Variants in TSNARE1 observed in about 807,000 individuals in gnomAD.
TSNARE1 encodes t-SNARE domain containing 1.
TSNARE1 carries 49 observed loss-of-function variants against 62.0 expected under a neutral mutation model. The observed-to-expected ratio is 0.79, with a 90% CI of 0.63 to 1.00. The LOEUF is 1.00. Among genes scored for constraint, TSNARE1 ranks in the 50% least tolerant of loss-of-function variants. The probability of loss-of-function intolerance (pLI) is 0.00; values close to 1 mark genes in which losing one functional copy is unlikely to be tolerated. For synonymous variants in TSNARE1, 328 were observed against 294.4 expected, an observed-to-expected ratio of 1.11 and a Z score of -1.17; for missense variants, 755 against 700.1, an observed-to-expected ratio of 1.08 and a Z score of -0.88.
intron 9 of TSNARE1, among the ~76,000 whole-genome samples, chr8:142,313,105 T>C (rs539642039): frequency 7.9e-5 from 12 of 152,340 alleles, no homozygotes; most frequent in Non-Finnish European, 1.8e-4. Flanking sequence ...CATGTCTGCG[T>C]GACTGTTTAT....
At chr8:142,278,219 G>A (rs1226452675) in intron 11 of TSNARE1, 2 of 985,450 alleles carry the variant, frequency 2.0e-6, no homozygotes, top group African/African-American at 3.5e-5. Context: ...AGGGTTGGCT[G>A]GGTCTACATG....
intron 11 of TSNARE1, among the ~76,000 whole-genome samples, chr8:142,281,283 G>A (rs1310404008): frequency 6.6e-6 from 1 of 152,152 alleles, no homozygotes; most frequent in African/African-American, 2.4e-5. Flanking sequence ...CCCAGCCAGA[G>A]CCAGGAGCCT....
At chr8:142,399,502 G>C (rs535073851) in intron 1 of TSNARE1, among the ~76,000 whole-genome samples, 1 of 152,312 alleles carries the variant, frequency 6.6e-6, no homozygotes, top group Admixed American at 6.5e-5. Flanking sequence ...GCCTCAATGC[G>C]CCCAAGAGGG....
intron 10 of TSNARE1, among the ~76,000 whole-genome samples, chr8:142,299,281 G>A (rs1338887617): frequency 6.6e-6 from 1 of 152,256 alleles, no homozygotes; most frequent in Non-Finnish European, 1.5e-5. Flanking sequence ...TCCTTCGAGA[G>A]TGGAAGACCT....
rs1355670977 is a variant in TSNARE1, at chr8:142,222,538, AC to A, written c.*11+6934del. Among the ~76,000 whole-genome samples, 439 of 79,004 alleles carry A rather than the reference AC, an allele frequency of 5.6e-3. 3 individuals are homozygous for A. Among genetic ancestry groups the A allele is most frequent in the Non-Finnish European group, 6.0e-3 (238 of 39,812 alleles). 51.8% of individuals were successfully genotyped at this position (79,004 alleles called of 152,430 possible). On this transcript the variant is annotated intron_variant, in intron 13 of 13. Transcript: ENST00000524325. ...CACTCACTCATCCACTCACTCACTC[AC>A]TCATTCACTCACTCACTCACTCATT...
chr8:142,277,471 C>T (rs1016099117), intron 11 of TSNARE1: 1 of 985,346 alleles, frequency 1.0e-6, no homozygotes, highest in South Asian at 4.7e-5. Flanking sequence ...TGCCCAAACC[C>T]CAGGCAGTGC....
chr8:142,298,728 GCCCCACAGGGAGGGCTGA>G (rs1307855222), intron 10 of TSNARE1, among the ~76,000 whole-genome samples: 1 of 152,192 alleles, frequency 6.6e-6, no homozygotes, highest in Non-Finnish European at 1.5e-5. Context: ...GACACTCTAT[GCCCCACAGGGAGGGCTGA>G]GCCTGAGCCG....
intron 1 of TSNARE1, among the ~76,000 whole-genome samples, chr8:142,367,665 C>T (rs183865579): frequency 4.6e-5 from 7 of 152,220 alleles, no homozygotes; most frequent in Admixed American, 2.6e-4. Flanking sequence ...CACTTCAAAA[C>T]GGTGAACTTT....
chr8:142,228,892 G>A (rs1359971861), intron 13 of TSNARE1, among the ~76,000 whole-genome samples: 2 of 152,162 alleles, frequency 1.3e-5, no homozygotes, highest in East Asian at 3.9e-4. Context: ...CGAACAGATG[G>A]TGTACAGGTG....
Position 142,315,021 on chromosome 8 carries a change from G to T in TSNARE1, c.1056C>A (p.Cys352Ter), listed in dbSNP as rs372126542. The stretch of plus-strand genomic sequence containing the variant: ...ACCTCACCTTCTGCACCACTCCATA[G>T]CACTGAATGGCATCTGAGAGCTGGG... ...LKTQLSDAIQCYGVVQKKIAE... is the reference protein window; with the variant it reads ...LKTQLSDAIQ Residue 352 changes from cysteine (C) to a stop codon, truncating the protein, a stop_gained, in exon 8 of 14, where the codon TGC becomes TGA. Transcript: ENST00000524325. LOFTEE classifies it high-confidence loss of function. 2 of 1,613,988 alleles carry T rather than the reference G, an allele frequency of 1.2e-6. No individual in the cohort carries two copies. The highest frequency in any genetic ancestry group is 8.5e-7 in the Non-Finnish European group (1 of 1,180,014).
At chr8:142,344,493 G>A (rs12156381) in intron 3 of TSNARE1, 21 bp from the exon 4 acceptor site, 148,880 of 1,498,810 alleles carry the variant, frequency 0.099, 8,197 homozygotes, top group Non-Finnish European at 0.11. Flanking sequence ...ACCAAAAGGC[G>A]GATGTTTAAG....
upstream of TSNARE1, chr8:142,403,279 C>CCGGCGCGGAGCCGGAAG (rs1838446236): frequency 6.6e-6 from 1 of 151,826 alleles, no homozygotes; most frequent in African/African-American, 2.4e-5. Context: ...CCCAGAGGCC[C>CCGGCGCGGAGCCGGAAG]CGGCGCGGAG....
At chr8:142,305,397 G>A (rs995493566) in intron 9 of TSNARE1, among the ~76,000 whole-genome samples, 2 of 152,152 alleles carry the variant, frequency 1.3e-5, no homozygotes, top group African/African-American at 2.4e-5. Flanking sequence ...CCAGGAAAGC[G>A]GCCAGGCTGG....
At chr8:142,250,744 C>T (rs1818121548) in intron 12 of TSNARE1, among the ~76,000 whole-genome samples, 1 of 152,196 alleles carries the variant, frequency 6.6e-6, no homozygotes, top group Non-Finnish European at 1.5e-5. Context: ...AGGCAGCTGA[C>T]CCCAAGGCTG....
chr8:142,381,393 T>G (rs1434862886), intron 1 of TSNARE1, among the ~76,000 whole-genome samples: 2 of 152,148 alleles, frequency 1.3e-5, no homozygotes, highest in East Asian at 3.9e-4. Flanking sequence ...AACGCACTCC[T>G]GTCAGTGCTG....
chr8:142,348,997 C>A (rs1168588898), intron 2 of TSNARE1, among the ~76,000 whole-genome samples: 5 of 152,180 alleles, frequency 3.3e-5, no homozygotes, highest in African/African-American at 1.2e-4. Flanking sequence ...TTTGTCCAGG[C>A]CCCACCAGCC....
intron 1 of TSNARE1, among the ~76,000 whole-genome samples, chr8:142,361,250 C>G (rs1835132619): frequency 6.6e-6 from 1 of 152,244 alleles, no homozygotes; most frequent in African/African-American, 2.4e-5. Flanking sequence ...ACTCTGTGCT[C>G]CAGATGGGGA....
intron 1 of TSNARE1, among the ~76,000 whole-genome samples, chr8:142,361,509 C>T (rs987637437): frequency 2.0e-5 from 3 of 152,216 alleles, no homozygotes; most frequent in African/African-American, 7.2e-5. Flanking sequence ...CCAGGGCCCA[C>T]ACCCAGACGA....
At chr8:142,281,117 G>T (rs929073160) in intron 11 of TSNARE1, among the ~76,000 whole-genome samples, 1 of 152,214 alleles carries the variant, frequency 6.6e-6, no homozygotes, top group Non-Finnish European at 1.5e-5. Flanking sequence ...TCTCGGCACA[G>T]GCCCCAAGGT....
Sources: allele counts gnomAD v4.1 joint callset (sites outside exome capture counted in the v4.1 genomes callset), GRCh38; gene constraint gnomAD v4.1.1; transcripts MANE v1.5; gene names NCBI Gene and HGNC (gene_info 2026-07-23, HGNC 2026-07-21).